The following MYCBP2 variants were observed in gnomAD, a reference collection of about 807,000 sequenced individuals.
MYCBP2 encodes E3 ubiquitin-protein ligase MYCBP2.
In MYCBP2, 120 loss-of-function variants were observed where a neutral mutation model predicts 525.3. The observed-to-expected ratio is 0.23, with a 90% CI of 0.20 to 0.27. MYCBP2 has a LOEUF of 0.27. Among genes scored for constraint, MYCBP2 ranks in the 10% least tolerant of loss-of-function variants. The probability of loss-of-function intolerance (pLI) is 1.00; values close to 1 mark genes in which losing one functional copy is unlikely to be tolerated. For missense variants in MYCBP2, 4,149 were observed against 5,657.1 expected, an observed-to-expected ratio of 0.73 and a Z score of 8.55; for synonymous variants, 1,894 against 1,955.8, an observed-to-expected ratio of 0.97 and a Z score of 0.83.
intron 17 of MYCBP2, among the ~76,000 whole-genome samples, chr13:77,237,480 A>T (rs2068095239): frequency 6.6e-6 from 1 of 152,134 alleles, no homozygotes; most frequent in South Asian, 2.1e-4. Context: ...TATGTATTAT[A>T]ACACTAAGCA....
intron 55 of MYCBP2, chr13:77,110,054 T>C (rs533286983): frequency 6.6e-6 from 1 of 152,190 alleles, no homozygotes; most frequent in South Asian, 2.1e-4. Flanking sequence ...ACCTTGAAAA[T>C]GAACAGAACA....
At chr13:77,163,761 T>C (rs1240564206) in intron 43 of MYCBP2, among the ~76,000 whole-genome samples, 1 of 152,148 alleles carries the variant, frequency 6.6e-6, no homozygotes, top group Admixed American at 6.5e-5. Flanking sequence ...AGTTCTCTCA[T>C]TTTGCTAACA....
chr13:77,099,192 C>T (rs540776838), intron 55 of MYCBP2, 179 bp from the exon 56 acceptor site: 10 of 843,624 alleles, frequency 1.2e-5, no homozygotes, highest in Admixed American at 3.0e-5. Context: ...AATTTCTACA[C>T]ATCATTACAC....
chr13:77,142,546 T>C (rs975624767), intron 49 of MYCBP2, among the ~76,000 whole-genome samples: 3 of 152,200 alleles, frequency 2.0e-5, no homozygotes, highest in Admixed American at 2.0e-4. Flanking sequence ...TTCCCAAATA[T>C]TTTGGTGAAA....
intron 17 of MYCBP2, among the ~76,000 whole-genome samples, chr13:77,240,966 G>A (rs2068729476): frequency 6.6e-6 from 1 of 152,140 alleles, no homozygotes; most frequent in Non-Finnish European, 1.5e-5. Flanking sequence ...TCTGAACAAA[G>A]TGTTTCTACT....
At chr13:77,251,445 G>T (rs957947798) in intron 14 of MYCBP2, 90 bp from the exon 15 acceptor site, 8 of 1,098,950 alleles carry the variant, frequency 7.3e-6, no homozygotes, top group Non-Finnish European at 1.1e-5. Context: ...AAAAATGACA[G>T]CATGCTAATC....
At chr13:77,198,874 C>T (rs1177706953) in intron 26 of MYCBP2, among the ~76,000 whole-genome samples, 2 of 152,214 alleles carry the variant, frequency 1.3e-5, no homozygotes, top group Non-Finnish European at 2.9e-5. Flanking sequence ...TAAAAAGGCA[C>T]TGGTATTGCT....
chr13:77,097,948 C>A lies in MYCBP2; in HGVS notation c.9206G>T (p.Arg3069Met). ...AGGTTGTTGGCTATTTAAACTACTC[C>A]TTATAGGAGCATGTTCTTTGGAAAG... The part of the protein sequence containing the change: ...PELSKEHAPI[R>M]SSLNSQQPTE... Residue 3069 changes from arginine to methionine, a missense_variant, in exon 56 of 83, where the codon AGG becomes ATG. By Grantham distance (91) the Arg-to-Met change is moderately conservative (BLOSUM62 -1). Coordinates refer to ENST00000544440, the MANE Select transcript of MYCBP2 (RefSeq NM_015057.5). 6.2e-7 allele frequency: 1 copy of A among 1,613,354 alleles called. No homozygotes were observed. Among genetic ancestry groups the A allele is most frequent in the South Asian group, 1.1e-5 (1 of 91,026 alleles).
At chr13:77,272,476 G>T (rs2075029956) in intron 5 of MYCBP2, 1 of 151,954 alleles carries the variant, frequency 6.6e-6, no homozygotes, top group Admixed American at 6.6e-5. Context: ...TCTGGTATAT[G>T]GTATCTGAAT....
intron 2 of MYCBP2, among the ~76,000 whole-genome samples, chr13:77,294,133 T>TATATATATGTATATATATATATATAC (rs2077901777): frequency 7.9e-6 from 1 of 127,272 alleles, no homozygotes; most frequent in South Asian, 2.4e-4. Flanking sequence ...TATATATACA[T>TATATATATGTATATATATATATATAC]ATATATATAC....
intron 49 of MYCBP2, 69 bp downstream of exon 49, chr13:77,144,376 A>G (rs1361257079): frequency 1.6e-5 from 18 of 1,114,962 alleles, no homozygotes; most frequent in Non-Finnish European, 1.9e-5. Context: ...GGGCAAAACT[A>G]GAAGATAAAA....
At chr13:77,049,161 C>T (rs1451851085) in intron 82 of MYCBP2, among the ~76,000 whole-genome samples, 3 of 152,102 alleles carry the variant, frequency 2.0e-5, no homozygotes, top group African/African-American at 7.2e-5. Context: ...TTCCACACTC[C>T]CTTCACTTGC....
intron 52 of MYCBP2, chr13:77,129,210 T>A: frequency 2.5e-6 from 1 of 397,928 alleles, no homozygotes; most frequent in East Asian, 3.6e-5. Context: ...CCCTGACTCC[T>A]TGGCTAGCAT....
At chr13:77,055,229 T>C (rs2037709004) in intron 80 of MYCBP2, among the ~76,000 whole-genome samples, 1 of 150,756 alleles carries the variant, frequency 6.6e-6, no homozygotes, top group African/African-American at 2.4e-5. Context: ...GAATTAAGGG[T>C]TTTAAGGAAG....
At chr13:77,216,034 T>A (rs539391768) in intron 21 of MYCBP2, among the ~76,000 whole-genome samples, 2 of 152,316 alleles carry the variant, frequency 1.3e-5, no homozygotes, top group Non-Finnish European at 2.9e-5. Context: ...GAGAAATGGC[T>A]GATTCTAGGA....
intron 55 of MYCBP2, among the ~76,000 whole-genome samples, chr13:77,110,372 A>T (rs2048613129): frequency 6.7e-6 from 1 of 149,296 alleles, no homozygotes; most frequent in Admixed American, 6.6e-5. Flanking sequence ...CGGGGAAAAA[A>T]CCCCACCCTG....
chr13:77,251,404 T>C (rs1156914645), intron 14 of MYCBP2, 49 bp from the exon 15 acceptor site: 13 of 1,477,078 alleles, frequency 8.8e-6, no homozygotes, highest in Non-Finnish European at 1.2e-5. Flanking sequence ...CTTTCATGTA[T>C]AAAAGATGGA....
intron 55 of MYCBP2, among the ~76,000 whole-genome samples, chr13:77,112,199 C>T (rs9565319): frequency 0.032 from 4,859 of 151,458 alleles, 213 homozygotes; most frequent in East Asian, 0.17. Context: ...ATACATACTT[C>T]TTTCTTGCTT....
intron 1 of MYCBP2, among the ~76,000 whole-genome samples, chr13:77,309,787 T>C (rs1211519746): frequency 1.3e-5 from 2 of 152,286 alleles, no homozygotes; most frequent in South Asian, 2.1e-4. Flanking sequence ...TCTTTATAAA[T>C]TGAAAGTTTA....
Sources: gnomAD v4.1 joint callset for allele counts (sites outside exome capture counted in the v4.1 genomes callset) on GRCh38, gnomAD v4.1.1 for gene constraint, MANE v1.5 for transcripts, NCBI Gene and HGNC (gene_info 2026-07-23, HGNC 2026-07-21) for gene names.